Variants in PDZD2 observed in about 807,000 individuals in gnomAD.
PDZD2 encodes PDZ domain-containing protein 2.
In PDZD2, 90 loss-of-function variants were observed where a neutral mutation model predicts 220.7. The observed-to-expected ratio is 0.41, with a 90% CI of 0.34 to 0.49. The LOEUF (loss-of-function observed/expected upper bound fraction) is 0.49, where lower values mean the gene tolerates loss of function less well. PDZD2 is among the 20% of genes least tolerant of loss of function. The probability of loss-of-function intolerance (pLI) is 0.28; values close to 1 mark genes in which losing one functional copy is unlikely to be tolerated. For synonymous variants in PDZD2, 1,375 were observed against 1,450.5 expected, an observed-to-expected ratio of 0.95 and a Z score of 1.18; for missense variants, 3,174 against 3,608.5, an observed-to-expected ratio of 0.88 and a Z score of 3.08.
At chr5:31,942,407 G>T (rs1446517490) in intron 2 of PDZD2, among the ~76,000 whole-genome samples, 1 of 152,096 alleles carries the variant, frequency 6.6e-6, no homozygotes, top group South Asian at 2.1e-4. Context: ...GTGTGTGTCA[G>T]GGAGGGAGAA....
rs5867089 is a variant in PDZD2, at chr5:31,661,785, G to GTTTT, written c.-361+22359_-361+22362dup. On this transcript the variant is annotated intron_variant, in intron 1 of 24. Coordinates refer to ENST00000438447, the MANE Select transcript of PDZD2 (RefSeq NM_178140.4). ...ATAGAAATAAGTAGTTCCTCCCTTG[G>GTTTT]TTTTTTTTTTTTTTCTTTTTTTTTC... Among the ~76,000 whole-genome samples the GTTTT allele has an allele frequency of 8.8e-3, 1,242 of 141,454 alleles. 14 individuals are homozygous for GTTTT. Among genetic ancestry groups the GTTTT allele is most frequent in the Non-Finnish European group, 0.011 (738 of 65,808 alleles). 92.8% of individuals were successfully genotyped at this position (141,454 alleles called of 152,430 possible).
intron 2 of PDZD2, among the ~76,000 whole-genome samples, chr5:31,969,509 CAAAAAAAAA>C (rs56755290): frequency 0.016 from 821 of 51,444 alleles, 25 homozygotes; most frequent in South Asian, 0.08. Flanking sequence ...GCCCCCTCTC[CAAAAAAAAA>C]AAAAAAAAAA....
At position 32,054,312 on chromosome 5, in the gene PDZD2, C is replaced by CTTTTTT. The variant is rs57135705; in HGVS notation, c.1900+450_1900+455dup. 3.4e-3 allele frequency among the ~76,000 whole-genome samples: 239 copies of CTTTTTT among 69,324 alleles called. 51 individuals carry two copies. Among genetic ancestry groups the CTTTTTT allele is most frequent in the African/African-American group, 0.012 (222 of 18,480 alleles). The allele number at this position is 69,324 out of a possible 152,430, so 45.5% of individuals were successfully genotyped here. On this transcript the variant is annotated intron_variant, in intron 10 of 24. Coordinates refer to ENST00000438447, the MANE Select transcript of PDZD2 (RefSeq NM_178140.4). Reference sequence around the variant, plus strand: ...CATAGTCTGGTTCCTAAATGAACATCTTTTTTTTTTTTTTTTTTTTTTTTT... The same window carrying CTTTTTT: ...CATAGTCTGGTTCCTAAATGAACATCTTTTTTTTTTTTTTTTTTTTTTTTTTTTTTT...
At chr5:31,721,083 G>A (rs992894002) in intron 1 of PDZD2, among the ~76,000 whole-genome samples, 1 of 152,178 alleles carries the variant, frequency 6.6e-6, no homozygotes, top group African/African-American at 2.4e-5. Context: ...AGCCCCAACA[G>A]TGAAGACCAG....
rs925684140 is a variant in PDZD2, at chr5:31,936,117, C to T, written c.477-47038C>T. The T allele has an allele frequency of 1.2e-5, 12 of 985,322 alleles. No individual in the cohort carries two copies. The South Asian group carries it at 1.9e-4, about 15-fold the overall frequency. The allele number at this position is 985,322 out of a possible 1,614,324, so 61.0% of individuals were successfully genotyped here. On this transcript the variant is annotated intron_variant, in intron 2 of 24. Transcript: ENST00000438447. The stretch of plus-strand genomic sequence containing the variant: ...GGCTCTGGAGCTCAGGAGGTGAAGC[C>T]GGGAGGAGAGAGAGAGAATCTGCTC...
intron 1 of PDZD2, chr5:31,742,334 A>T (rs1750313195): frequency 6.6e-6 from 1 of 151,456 alleles, no homozygotes; most frequent in South Asian, 2.1e-4. Context: ...CACAGTGGTT[A>T]CTTTTTATTT....
At chr5:31,860,834 A>G (rs1416688830) in intron 2 of PDZD2, among the ~76,000 whole-genome samples, 2 of 152,176 alleles carry the variant, frequency 1.3e-5, no homozygotes, top group African/African-American at 2.4e-5. Flanking sequence ...GTCTGTGTGG[A>G]TAACTGTACA....
At chr5:32,074,951 C>T (rs956501764) in intron 18 of PDZD2, among the ~76,000 whole-genome samples, 1 of 152,108 alleles carries the variant, frequency 6.6e-6, no homozygotes, top group African/African-American at 2.4e-5. Context: ...GCTGGGACTA[C>T]AGGCGCACAC....
intron 2 of PDZD2, among the ~76,000 whole-genome samples, chr5:31,811,819 A>ATC (rs1268674993): frequency 6.6e-6 from 1 of 151,878 alleles, no homozygotes; most frequent in Non-Finnish European, 1.5e-5. Flanking sequence ...GTGAAACCCC[A>ATC]TCTCTACTAA....
At chr5:31,765,846 G>T (rs941373008) in intron 1 of PDZD2, among the ~76,000 whole-genome samples, 1 of 152,120 alleles carries the variant, frequency 6.6e-6, no homozygotes, top group Non-Finnish European at 1.5e-5. Context: ...GTGGCTAGTC[G>T]TGAGCTGCTG....
At chr5:31,984,863 T>G (rs1750592681) in intron 3 of PDZD2, among the ~76,000 whole-genome samples, 1 of 152,180 alleles carries the variant, frequency 6.6e-6, no homozygotes, top group Non-Finnish European at 1.5e-5. Context: ...GAGTTTTGTC[T>G]GCTGAGAAAT....
intron 5 of PDZD2, among the ~76,000 whole-genome samples, chr5:32,009,755 T>C (rs1753136619): frequency 1.3e-5 from 2 of 151,354 alleles, no homozygotes; most frequent in African/African-American, 2.4e-5. Context: ...GATTGTTTTA[T>C]AAAGGGATCT....
chr5:31,672,943 T>G (rs941125381), intron 1 of PDZD2, among the ~76,000 whole-genome samples: 1 of 152,256 alleles, frequency 6.6e-6, no homozygotes, highest in African/African-American at 2.4e-5. Flanking sequence ...GCTGTCACTT[T>G]GCCCATTGTT....
intron 2 of PDZD2, among the ~76,000 whole-genome samples, chr5:31,841,771 GA>G (rs1207895690): frequency 6.6e-6 from 1 of 151,724 alleles, no homozygotes; most frequent in Non-Finnish European, 1.5e-5. Context: ...AGGAGTTCGA[GA>G]CCAGCCTAGC....
At chr5:31,955,582 G>A (rs4867097) in intron 2 of PDZD2, among the ~76,000 whole-genome samples, 14,068 of 151,812 alleles carry the variant, frequency 0.093, 834 homozygotes, top group South Asian at 0.2. Flanking sequence ...GATTACAGGC[G>A]TCAGCCACCA....
chr5:31,983,716 T>C lies in PDZD2; in HGVS notation c.978+60T>C, dbSNP rs1020919647. Reference sequence around the variant, plus strand: ...ATTTATCGTGTGTGTTTGTTTGTTTTTGCAGCCCAGCCCATGCGGGAAATA... The same window carrying C: ...ATTTATCGTGTGTGTTTGTTTGTTTCTGCAGCCCAGCCCATGCGGGAAATA... On this transcript the variant is annotated intron_variant, in intron 3 of 24. Transcript: ENST00000438447. 5.3e-6 allele frequency: 8 copies of C among 1,520,012 alleles called. No homozygotes were observed. The African/African-American group carries it at 9.6e-5, about 18-fold the overall frequency. The allele number at this position is 1,520,012 out of a possible 1,614,324, so 94.2% of individuals were successfully genotyped here.
Position 32,057,804 on chromosome 5 carries a change from G to GTTT in PDZD2, c.1975-64_1975-62dup, listed in dbSNP as rs796793641. ...CCTTCTGGCTTGGGTTTGGTGAGTT[G>GTTT]TTTTTTTTTTTTAACCCTTTGATAT... On this transcript the variant is annotated intron_variant, in intron 11 of 24. Coordinates refer to ENST00000438447, the MANE Select transcript of PDZD2 (RefSeq NM_178140.4). The GTTT allele has an allele frequency of 1.4e-4, 157 of 1,093,782 alleles. No homozygotes were observed. The African/African-American group carries it at 2.1e-3, about 14-fold the overall frequency. 67.8% of individuals were successfully genotyped at this position (1,093,782 alleles called of 1,614,324 possible).
At chr5:32,081,098 G>A (rs964353569) in intron 19 of PDZD2, among the ~76,000 whole-genome samples, 10 of 151,886 alleles carry the variant, frequency 6.6e-5, no homozygotes, top group East Asian at 3.9e-4. Flanking sequence ...AAAATACCGC[G>A]GGTTTGTACC....
intron 14 of PDZD2, among the ~76,000 whole-genome samples, chr5:32,062,330 G>A (rs1472217368): frequency 1.3e-5 from 2 of 151,352 alleles, no homozygotes; most frequent in Non-Finnish European, 2.9e-5. Context: ...AAAGTTATTT[G>A]TTAAGTTTAT....
Sources: allele counts gnomAD v4.1 joint callset (sites outside exome capture counted in the v4.1 genomes callset), GRCh38; gene constraint gnomAD v4.1.1; transcripts MANE v1.5; gene names NCBI Gene and HGNC (gene_info 2026-07-23, HGNC 2026-07-21).